ANKRD44: variants seen among roughly 807,000 people sequenced by gnomAD.
ANKRD44 encodes the protein serine/threonine-protein phosphatase 6 regulatory ankyrin repeat subunit B.
ANKRD44 carries 35 observed loss-of-function variants against 116.0 expected under a neutral mutation model. The ratio of observed to expected loss-of-function variants is 0.30; its 90% CI spans 0.23 to 0.40. ANKRD44 has a LOEUF of 0.40. Among genes scored for constraint, ANKRD44 ranks in the 10% least tolerant of loss-of-function variants. The pLI is 1.00. For synonymous variants in ANKRD44, 435 were observed against 461.8 expected (o/e 0.94, Z 0.74); for missense variants, 1,014 against 1,242.6 (o/e 0.82, Z 2.77).
At chr2:197,071,834 T>G (rs1225476142) in intron 16 of ANKRD44, among the ~76,000 whole-genome samples, 1 of 152,236 alleles carries the variant, frequency 6.6e-6, no homozygotes, top group Admixed American at 6.5e-5. Context: ...ATCTTTTCAA[T>G]TCTAACAGTT....
chr2:197,165,281 A>T (rs1262286587), intron 2 of ANKRD44, among the ~76,000 whole-genome samples: 1 of 152,204 alleles, frequency 6.6e-6, no homozygotes, highest in African/African-American at 2.4e-5. Flanking sequence ...CATGCTCTCT[A>T]ACAGGTCCCA....
chr2:197,149,719 G>A lies in ANKRD44; in HGVS notation c.112-2614C>T, dbSNP rs577518507. 1.1e-4 allele frequency among the ~76,000 whole-genome samples: 17 copies of A among 152,258 alleles called. No individual in the cohort carries two copies. In the East Asian group the frequency reaches 1.2e-3, roughly 10 times the overall value. On this transcript the variant is annotated intron_variant, in intron 2 of 27. Coordinates refer to ENST00000282272, the MANE Select transcript of ANKRD44 (RefSeq NM_001195144.2). ...CCACTATTGACCAAGGGTTGCTAAC[G>A]TCTTCTCTTCTAACAAGGAACACCT...
chr2:197,304,239 G>C (rs948873979), intron 1 of ANKRD44, among the ~76,000 whole-genome samples: 2 of 152,130 alleles, frequency 1.3e-5, no homozygotes, highest in Non-Finnish European at 2.9e-5. Context: ...CCCAGGAGGG[G>C]GTCGGCGGGG....
chr2:197,288,001 C>T (rs146301242), intron 1 of ANKRD44, among the ~76,000 whole-genome samples: 3 of 116,044 alleles, frequency 2.6e-5, no homozygotes, highest in Non-Finnish European at 3.3e-5. Flanking sequence ...GCCTGGGTGA[C>T]AGAGTGAGAC....
At chr2:197,275,244 A>G (rs2083041233) in intron 1 of ANKRD44, among the ~76,000 whole-genome samples, 1 of 151,792 alleles carries the variant, frequency 6.6e-6, no homozygotes, top group Non-Finnish European at 1.5e-5. Flanking sequence ...CCTCCTAAGT[A>G]TCTGAGACTA....
At chr2:197,300,003 G>A (rs1189248051) in intron 1 of ANKRD44, among the ~76,000 whole-genome samples, 1 of 152,120 alleles carries the variant, frequency 6.6e-6, no homozygotes, top group South Asian at 2.1e-4. Context: ...CAAGCCAGGG[G>A]TATCATGGAC....
intron 17 of ANKRD44, among the ~76,000 whole-genome samples, chr2:197,022,923 TA>T (rs2076524422): frequency 6.6e-6 from 1 of 152,244 alleles, no homozygotes; most frequent in African/African-American, 2.4e-5. Context: ...CTGCAGCACT[TA>T]TTGCCATCTG....
intron 16 of ANKRD44, among the ~76,000 whole-genome samples, chr2:197,071,673 TGGGTA>T (rs2125098696): frequency 6.6e-6 from 1 of 152,338 alleles, no homozygotes; most frequent in East Asian, 1.9e-4. Flanking sequence ...CTCATGTTGC[TGGGTA>T]GAGTGTTCTT....
intron 8 of ANKRD44, 41 bp downstream of exon 8, chr2:197,121,291 C>G: frequency 6.3e-7 from 1 of 1,578,072 alleles, no homozygotes; most frequent in African/African-American, 1.3e-5. Context: ...AACAGAAGCT[C>G]AATGCAAAGG....
At position 197,241,067 on chromosome 2, in the gene ANKRD44, C is replaced by G. The variant is rs113505725; in HGVS notation, c.28-53961G>C. On this transcript the variant is annotated intron_variant, in intron 1 of 27. Transcript: ENST00000282272. Reference sequence around the variant, plus strand: ...GCATTTTAAGTCTATTCCTCCTTTCCAGGGCACATCTTCTCTCTTTTTGGC... The same window carrying G: ...GCATTTTAAGTCTATTCCTCCTTTCGAGGGCACATCTTCTCTCTTTTTGGC... 2.0e-5 allele frequency among the ~76,000 whole-genome samples: 3 copies of G among 152,064 alleles called. 1 individual carries two copies. Among genetic ancestry groups the G allele is most frequent in the African/African-American group, 7.2e-5 (3 of 41,462 alleles).
intron 10 of ANKRD44, among the ~76,000 whole-genome samples, chr2:197,092,730 T>G (rs1300058697): frequency 6.6e-6 from 1 of 152,198 alleles, no homozygotes; most frequent in Non-Finnish European, 1.5e-5. Context: ...AATTCTGAAA[T>G]GCAATTGCAT....
chr2:197,147,392 T>C (rs2079531642), intron 2 of ANKRD44, among the ~76,000 whole-genome samples: 1 of 149,230 alleles, frequency 6.7e-6, no homozygotes, highest in African/African-American at 2.5e-5. Flanking sequence ...GGATGATGAA[T>C]TTCAACTTAC....
chr2:197,025,593 G>C (rs535858468), intron 16 of ANKRD44, among the ~76,000 whole-genome samples: 47 of 152,266 alleles, frequency 3.1e-4, no homozygotes, highest in African/African-American at 1.1e-3. Flanking sequence ...AAAAAGACAA[G>C]ACTCCTGCTC....
At chr2:197,029,564 C>T (rs2076664502) in intron 16 of ANKRD44, 1 of 473,734 alleles carries the variant, frequency 2.1e-6, no homozygotes, top group Non-Finnish European at 4.2e-6. Context: ...CACATGCCCA[C>T]CAAGAGCAAG....
chr2:197,044,412 G>C (rs1007009424), intron 16 of ANKRD44, among the ~76,000 whole-genome samples: 3 of 152,086 alleles, frequency 2.0e-5, no homozygotes, highest in African/African-American at 7.2e-5. Flanking sequence ...TGTTGCCCAG[G>C]CTGGAGTACA....
chr2:197,064,033 G>A (rs1351095017), intron 16 of ANKRD44, among the ~76,000 whole-genome samples: 2 of 152,204 alleles, frequency 1.3e-5, no homozygotes, highest in Admixed American at 6.5e-5. Flanking sequence ...AGGAAAAAAT[G>A]TTAAGGGCAG....
rs553239406 is a variant in ANKRD44 at position 197,140,657 on chromosome 2, C to T, written c.191-3995G>A. ...ATATTGCAAATCTGAGTCAATAATA[C>T]TGTATTATGCACTTAAACATTTGTT... On this transcript the variant is annotated intron_variant, in intron 3 of 27. Transcript: ENST00000282272. 5.3e-5 allele frequency among the ~76,000 whole-genome samples: 8 copies of T among 152,220 alleles called. No individual in the cohort carries two copies. In the South Asian group the frequency reaches 1.7e-3, roughly 32 times the overall value.
chr2:196,997,338 T>A (rs1340734885), intron 25 of ANKRD44, among the ~76,000 whole-genome samples: 1 of 151,520 alleles, frequency 6.6e-6, no homozygotes, highest in Non-Finnish European at 1.5e-5. Flanking sequence ...CCATAAAACA[T>A]GATGTTTAAA....
chr2:197,306,327 T>C (rs1307643746), intron 1 of ANKRD44, among the ~76,000 whole-genome samples: 3 of 152,202 alleles, frequency 2.0e-5, no homozygotes, highest in Non-Finnish European at 4.4e-5. Context: ...CGTATGACCC[T>C]AAACCGGTCA....
Sources: allele counts gnomAD v4.1 joint callset (sites outside exome capture counted in the v4.1 genomes callset), GRCh38; gene constraint gnomAD v4.1.1; transcripts MANE v1.5; gene names NCBI Gene and HGNC (gene_info 2026-07-23, HGNC 2026-07-21).